The following NCALD variants were observed in gnomAD, a reference collection of about 807,000 sequenced individuals.
NCALD encodes the protein neurocalcin-delta.
A neutral mutation model predicts 18.6 loss-of-function variants in NCALD; 10 were observed. The ratio of observed to expected loss-of-function variants is 0.54; its 90% confidence interval spans 0.33 to 0.91. The LOEUF is 0.91. Among genes scored for constraint, NCALD ranks in the 40% least tolerant of loss-of-function variants. The probability of loss-of-function intolerance (pLI) is 0.03; values close to 1 mark genes in which losing one functional copy is unlikely to be tolerated. For missense variants in NCALD, 184 were observed against 247.6 expected (o/e 0.74, Z 1.72); for synonymous variants, 88 against 87.4 (o/e 1.01, Z -0.04).
chr8:101,812,553 C>T (rs1171948042), intron 4 of NCALD, among the ~76,000 whole-genome samples: 2 of 152,070 alleles, frequency 1.3e-5, no homozygotes, highest in African/African-American at 4.8e-5. Flanking sequence ...ACCGTGAAAT[C>T]CTCAGTTGAC....
chr8:101,907,123 C>T (rs1454744329), intron 3 of NCALD, among the ~76,000 whole-genome samples: 1 of 152,176 alleles, frequency 6.6e-6, no homozygotes, highest in Non-Finnish European at 1.5e-5. Context: ...AAACATTGCG[C>T]TAAGTGCTAT....
intron 2 of NCALD, among the ~76,000 whole-genome samples, chr8:101,976,748 C>T (rs528273619): frequency 1.8e-4 from 28 of 152,288 alleles, no homozygotes; most frequent in African/African-American, 6.5e-4. Flanking sequence ...TGGTCAGACC[C>T]AGTGTATACC....
At chr8:101,886,770 T>C (rs557356248) in intron 4 of NCALD, among the ~76,000 whole-genome samples, 1 of 152,338 alleles carries the variant, frequency 6.6e-6, no homozygotes, top group South Asian at 2.1e-4. Flanking sequence ...ATGAGTCCAT[T>C]TGGAAAGTAA....
intron 1 of NCALD, among the ~76,000 whole-genome samples, chr8:101,724,866 A>G (rs140960892): frequency 0.013 from 1,986 of 152,328 alleles, 39 homozygotes; most frequent in African/African-American, 0.045. Flanking sequence ...CCAAGGACAA[A>G]GCATTTATAG....
intron 4 of NCALD, among the ~76,000 whole-genome samples, chr8:101,855,044 T>C (rs890524649): frequency 2.6e-5 from 4 of 151,804 alleles, no homozygotes; most frequent in Non-Finnish European, 5.9e-5. Flanking sequence ...CCTGATGAGG[T>C]TGCTGGGGAG....
At chr8:101,844,144 A>C (rs1814767218) in intron 4 of NCALD, among the ~76,000 whole-genome samples, 2 of 152,174 alleles carry the variant, frequency 1.3e-5, no homozygotes, top group African/African-American at 4.8e-5. Flanking sequence ...GGGCCAAGAG[A>C]ATTCAAGCAC....
At chr8:101,829,878 A>G (rs527795291) in intron 4 of NCALD, among the ~76,000 whole-genome samples, 2 of 152,052 alleles carry the variant, frequency 1.3e-5, no homozygotes, top group African/African-American at 4.8e-5. Context: ...TGACTAATAA[A>G]GGCATTTGGC....
rs548115463 is a variant in NCALD at position 101,843,462 on chromosome 8, ACAC to A, written c.-20+43676_-20+43678del. ...CATGTGCATGCACACACACACACACACACAACTAAACTATCTCTGCCCTTCATA... is the reference window on the plus strand; with the variant it reads ...CATGTGCATGCACACACACACACACAAACTAAACTATCTCTGCCCTTCATA... On this transcript the variant is annotated intron_variant, in intron 4 of 6. Transcript: ENST00000311028. 6.9e-3 allele frequency among the ~76,000 whole-genome samples: 1,045 copies of A among 152,252 alleles called. 16 individuals are homozygous for A. Among genetic ancestry groups the A allele is most frequent in the South Asian group, 0.018 (89 of 4,824 alleles).
intron 2 of NCALD, among the ~76,000 whole-genome samples, chr8:101,718,381 AC>A (rs1330462872): frequency 6.6e-6 from 1 of 152,104 alleles, no homozygotes; most frequent in Non-Finnish European, 1.5e-5. Context: ...GTCAATTCAT[AC>A]CTTCTGCATA....
chr8:101,993,809 C>T (rs1225007814), intron 2 of NCALD, among the ~76,000 whole-genome samples: 1 of 152,220 alleles, frequency 6.6e-6, no homozygotes, highest in Non-Finnish European at 1.5e-5. Context: ...CTTGACTTTA[C>T]CACCTATCAC....
At chr8:102,046,695 C>T (rs1255708848) in intron 1 of NCALD, among the ~76,000 whole-genome samples, 1 of 151,708 alleles carries the variant, frequency 6.6e-6, no homozygotes, top group African/African-American at 2.4e-5. Flanking sequence ...TGTAGAGATG[C>T]GGTTTGCCAT....
chr8:101,751,195 G>C (rs1415785375), intron 1 of NCALD, among the ~76,000 whole-genome samples: 2 of 152,198 alleles, frequency 1.3e-5, no homozygotes, highest in Non-Finnish European at 2.9e-5. Flanking sequence ...TACAACATGG[G>C]TGAACCTCGA....
At chr8:101,728,857 C>T (rs1816690232) in intron 1 of NCALD, among the ~76,000 whole-genome samples, 1 of 152,072 alleles carries the variant, frequency 6.6e-6, no homozygotes, top group African/African-American at 2.4e-5. Context: ...AAAAAGCACG[C>T]AAAAAAAGTT....
chr8:102,052,682 G>A (rs1187552058), intron 1 of NCALD, among the ~76,000 whole-genome samples: 2 of 152,180 alleles, frequency 1.3e-5, no homozygotes, highest in African/African-American at 4.8e-5. Context: ...AAATGAAACA[G>A]GCATGAAACT....
intron 1 of NCALD, among the ~76,000 whole-genome samples, chr8:102,105,703 C>G (rs1825421292): frequency 6.6e-6 from 1 of 152,146 alleles, no homozygotes; most frequent in South Asian, 2.1e-4. Context: ...TTTTGAACCC[C>G]ATGAGGCCCA....
intron 1 of NCALD, among the ~76,000 whole-genome samples, chr8:101,760,582 C>G (rs1038846757): frequency 3.3e-5 from 5 of 152,154 alleles, no homozygotes; most frequent in African/African-American, 9.7e-5. Flanking sequence ...GAAGAAAAGC[C>G]AGCGTGCATT....
intron 1 of NCALD, among the ~76,000 whole-genome samples, chr8:102,100,611 G>A (rs1406408624): frequency 2.0e-5 from 3 of 152,212 alleles, no homozygotes; most frequent in Admixed American, 6.5e-5. Flanking sequence ...ACATGTTCAC[G>A]GCAGCATTAT....
rs1814621914 is a variant in NCALD at position 101,689,552 on chromosome 8, A to G, written c.485-146T>C. On this transcript the variant is annotated intron_variant, in intron 3 of 3. Coordinates refer to ENST00000220931, the MANE Select transcript of NCALD (RefSeq NM_032041.3). This position sits in a 1 kb window ranked among gnomAD's most constrained non-coding sequence, Gnocchi z 4.4. ...CACACAGCACTCACCTGTCCCGGGG[A>G]AGAGCCCAGTGGAATCTCCAGGAAC... is the stretch of plus-strand genomic sequence containing the variant. 1 of 647,162 alleles carries G rather than the reference A, an allele frequency of 1.5e-6. No individual in the cohort carries two copies. 40.1% of individuals were successfully genotyped at this position (647,162 alleles called of 1,614,324 possible). A position where few individuals can be genotyped will look rare whatever the true frequency, so the allele number is the denominator to read the frequency against.
At chr8:101,883,851 A>G (rs1816577915) in intron 4 of NCALD, among the ~76,000 whole-genome samples, 1 of 152,252 alleles carries the variant, frequency 6.6e-6, no homozygotes, top group Non-Finnish European at 1.5e-5. Context: ...CCATGGGAAC[A>G]GGGATTTTGT....
Sources: allele counts gnomAD v4.1 joint callset (sites outside exome capture counted in the v4.1 genomes callset), GRCh38; gene constraint gnomAD v4.1.1; non-coding constraint Gnocchi (gnomAD v3.1); transcripts MANE v1.5; gene names NCBI Gene and HGNC (gene_info 2026-07-23, HGNC 2026-07-21).